CNTNAP3: variants seen among roughly 807,000 people sequenced by gnomAD.
CNTNAP3 encodes contactin-associated protein-like 3.
CNTNAP3 carries 36 observed loss-of-function variants against 92.1 expected under a neutral mutation model. That is an observed-to-expected ratio of 0.39 (90% CI 0.30 to 0.52). The LOEUF (loss-of-function observed/expected upper bound fraction) is 0.52, where lower values mean the gene tolerates loss of function less well. Among genes scored for constraint, CNTNAP3 ranks in the 20% least tolerant of loss-of-function variants. The probability of loss-of-function intolerance (pLI) is 0.76; values close to 1 mark genes in which losing one functional copy is unlikely to be tolerated. For synonymous variants in CNTNAP3, 232 were observed against 422.3 expected, an observed-to-expected ratio of 0.55 and a Z score of 5.53; for missense variants, 534 against 1,069.6, an observed-to-expected ratio of 0.50 and a Z score of 6.98.
chr9:39,093,026 C>G (rs1377080899), intron 18 of CNTNAP3, among the ~76,000 whole-genome samples: 1 of 143,706 alleles, frequency 7.0e-6, no homozygotes, highest in African/African-American at 2.6e-5. Flanking sequence ...AGTATAGTCC[C>G]TTTGGCTCTC....
At chr9:39,150,002 C>T (rs748794869) in intron 9 of CNTNAP3, 25 bp from the exon 10 acceptor site, 1 of 1,610,410 alleles carries the variant, frequency 6.2e-7, no homozygotes, top group Admixed American at 1.7e-5. Flanking sequence ...AAAAATAGGA[C>T]AAAAGCAACA....
At chr9:39,137,742 C>T (rs1821477866) in intron 12 of CNTNAP3, among the ~76,000 whole-genome samples, 2 of 152,134 alleles carry the variant, frequency 1.3e-5, no homozygotes, top group South Asian at 4.1e-4. Flanking sequence ...TCTCGATCTC[C>T]TGACCTCGTG....
chr9:39,114,001 C>T (rs1820783248), intron 14 of CNTNAP3, among the ~76,000 whole-genome samples: 1 of 142,702 alleles, frequency 7.0e-6, no homozygotes, highest in African/African-American at 2.9e-5. Flanking sequence ...TACACACACA[C>T]ATATATATAC....
chr9:39,148,760 C>T (rs1291215978), intron 10 of CNTNAP3, among the ~76,000 whole-genome samples: 2 of 152,180 alleles, frequency 1.3e-5, no homozygotes, highest in African/African-American at 2.4e-5. Flanking sequence ...CTCCTGACCT[C>T]ATGATCCGCT....
chr9:39,093,011 G>C (rs1826243715), intron 18 of CNTNAP3, among the ~76,000 whole-genome samples: 1 of 144,112 alleles, frequency 6.9e-6, no homozygotes, highest in South Asian at 2.3e-4. Context: ...TTTTTTTCTG[G>C]TATTAGTATA....
intron 18 of CNTNAP3, among the ~76,000 whole-genome samples, chr9:39,092,350 G>A (rs1452030741): frequency 7.2e-6 from 1 of 139,404 alleles, no homozygotes; most frequent in African/African-American, 2.6e-5. Flanking sequence ...TTTTTATTTG[G>A]GAACCATTTT....
At chr9:39,092,952 A>C (rs1009247834) in intron 18 of CNTNAP3, among the ~76,000 whole-genome samples, 3 of 144,624 alleles carry the variant, frequency 2.1e-5, no homozygotes, top group African/African-American at 5.1e-5. Flanking sequence ...ACTTTTTATC[A>C]TTATAAAAGT....
At chr9:39,273,189 C>CA (rs1228912787) in intron 1 of CNTNAP3, among the ~76,000 whole-genome samples, 1 of 40,392 alleles carries the variant, frequency 2.5e-5, no homozygotes, top group Non-Finnish European at 6.5e-5. Flanking sequence ...CCTCACAGGC[C>CA]AGAGCAGGCT....
At chr9:39,126,195 A>G (rs527566229) in intron 13 of CNTNAP3, among the ~76,000 whole-genome samples, 115 of 152,296 alleles carry the variant, frequency 7.6e-4, no homozygotes, top group African/African-American at 2.6e-3. Context: ...GCAGAAAGAG[A>G]GCTGAAATAT....
intron 18 of CNTNAP3, among the ~76,000 whole-genome samples, chr9:39,091,633 TA>T (rs1370642854): frequency 1.3e-5 from 2 of 151,912 alleles, no homozygotes; most frequent in Admixed American, 6.6e-5. Context: ...TCTATCTACT[TA>T]AATGATATTG....
intron 18 of CNTNAP3, among the ~76,000 whole-genome samples, chr9:39,090,293 A>G (rs1390801597): frequency 4.6e-5 from 7 of 152,148 alleles, no homozygotes; most frequent in Non-Finnish European, 1.0e-4. Context: ...CCCTTATAAG[A>G]GACATGATTT....
At chr9:39,128,360 G>A (rs879033156) in intron 13 of CNTNAP3, among the ~76,000 whole-genome samples, 1 of 151,872 alleles carries the variant, frequency 6.6e-6, no homozygotes, top group Non-Finnish European at 1.5e-5. Flanking sequence ...ATTAATAAAT[G>A]AAACACATTA....
At chr9:39,088,779 T>G (rs1466876149) in intron 18 of CNTNAP3, 132 bp from the exon 19 acceptor site, 23 of 946,070 alleles carry the variant, frequency 2.4e-5, no homozygotes, top group Non-Finnish European at 3.1e-5. Flanking sequence ...TCCTTTCCTG[T>G]TTTTTTATTT....
In CNTNAP3 at chr9:39,149,972, G is replaced by A. The variant is rs569618391; in HGVS notation, c.1483C>T (p.Leu495=). ...CATCCAGAGCCAGAGCTGTTGTCCA[G>A]GCAGCCTAAATATGAAGACAAAAAT... ...SGDTYYFGGC[L]DNSSGSGCKS... The change falls in exon 10 of 24, where the codon CTG becomes TTG. Residue 495 remains leucine (L), a synonymous_variant. Transcript: ENST00000297668. 1.7e-5 allele frequency: 28 copies of A among 1,611,946 alleles called. No individual in the cohort carries two copies. In the East Asian group the frequency reaches 6.0e-4, roughly 35 times the overall value.
intron 18 of CNTNAP3, among the ~76,000 whole-genome samples, chr9:39,095,862 T>C (rs1348278521): frequency 1.3e-5 from 2 of 151,232 alleles, no homozygotes; most frequent in African/African-American, 4.8e-5. Context: ...GTTTTGGAAC[T>C]ATTTTTATGC....
In CNTNAP3 at chr9:39,154,766, G is replaced by A. The variant is rs1969999; in HGVS notation, c.1478-4789C>T. On this transcript the variant is annotated intron_variant, in intron 9 of 23. Transcript: ENST00000297668. ...AAACCGGCCTAGCAGCTCCTTCCTC[G>A]CTAACGTGGTGGGAACGGTGGCGCA... 608 of 144,280 alleles carry A rather than the reference G, an allele frequency of 4.2e-3. 5 individuals are homozygous for A. Among genetic ancestry groups the A allele is most frequent in the Non-Finnish European group, 6.0e-3 (412 of 69,048 alleles). The allele number at this position is 144,280 out of a possible 1,614,324, so 8.9% of individuals were successfully genotyped here. A position where few individuals can be genotyped will look rare whatever the true frequency, so the allele number is the denominator to read the frequency against.
In CNTNAP3 at chr9:39,110,455, A is replaced by G. The variant is rs182364046; in HGVS notation, c.2238-1168T>C. ...ACTCAGCGCTCACCTTTTGTCAAAC[A>G]GACATTGTCCTGGGAATTGAGGACA... On this transcript the variant is annotated intron_variant, in intron 14 of 23. Coordinates refer to ENST00000297668, the MANE Select transcript of CNTNAP3 (RefSeq NM_033655.5). 3.1e-3 allele frequency among the ~76,000 whole-genome samples: 465 copies of G among 152,304 alleles called. 1 individual carries two copies. Among genetic ancestry groups the G allele is most frequent in the African/African-American group, 0.011 (440 of 41,560 alleles).
At chr9:39,149,612 G>A (rs1276114203) in intron 10 of CNTNAP3, among the ~76,000 whole-genome samples, 194 bp downstream of exon 10, 3 of 151,562 alleles carry the variant, frequency 2.0e-5, no homozygotes, top group South Asian at 4.2e-4. Flanking sequence ...AGCCTCAGCC[G>A]CATTACAGGT....
At chr9:39,133,448 T>C (rs577779313) in intron 12 of CNTNAP3, among the ~76,000 whole-genome samples, 5 of 151,888 alleles carry the variant, frequency 3.3e-5, no homozygotes, top group African/African-American at 4.8e-5. Context: ...GCCAAACTGT[T>C]ACTACCTGGA....
Sources: allele counts gnomAD v4.1 joint callset (sites outside exome capture counted in the v4.1 genomes callset), GRCh38; gene constraint gnomAD v4.1.1; transcripts MANE v1.5; gene names NCBI Gene and HGNC (gene_info 2026-07-23, HGNC 2026-07-21).